NECTIN3: variants seen among roughly 807,000 people sequenced by gnomAD.
NECTIN3 encodes the protein nectin cell adhesion molecule 3.
NECTIN3 carries 8 observed loss-of-function variants against 49.4 expected under a neutral mutation model. The observed-to-expected ratio is 0.16, with a 90% CI of 0.10 to 0.29. The LOEUF (loss-of-function observed/expected upper bound fraction) is 0.29. Ranked by LOEUF, NECTIN3 falls within the 10% of genes least tolerant of loss-of-function variation. The pLI is 1.00. For missense variants in NECTIN3, 581 were observed against 654.6 expected, an observed-to-expected ratio of 0.89 and a Z score of 1.23; for synonymous variants, 277 against 241.1, an observed-to-expected ratio of 1.15 and a Z score of -1.38.
chr3:111,081,587 CA>C (rs1219940523), intron 1 of NECTIN3, among the ~76,000 whole-genome samples: 1 of 152,016 alleles, frequency 6.6e-6, no homozygotes, highest in Non-Finnish European at 1.5e-5. Flanking sequence ...ATACAGTGAA[CA>C]AAAATGACTT....
intron 3 of NECTIN3, 67 bp downstream of exon 3, chr3:111,119,019 G>T: frequency 1.5e-6 from 2 of 1,319,508 alleles, no homozygotes; most frequent in Non-Finnish European, 1.0e-6. Context: ...TTTTTAGTTT[G>T]AATATTTAAT....
intron 5 of NECTIN3, among the ~76,000 whole-genome samples, chr3:111,129,149 C>T (rs369492421): frequency 4.6e-5 from 7 of 152,248 alleles, no homozygotes; most frequent in African/African-American, 1.7e-4. Flanking sequence ...ATGCTTTTAC[C>T]AGGTATCATC....
intron 3 of NECTIN3, among the ~76,000 whole-genome samples, chr3:111,119,702 T>C (rs1014699703): frequency 6.6e-6 from 1 of 152,216 alleles, no homozygotes; most frequent in Non-Finnish European, 1.5e-5. Context: ...ACATTCTTTG[T>C]GATTTGTATA....
intron 1 of NECTIN3, among the ~76,000 whole-genome samples, chr3:111,087,171 A>G (rs1244584256): frequency 1.3e-5 from 2 of 152,128 alleles, no homozygotes; most frequent in Admixed American, 6.5e-5. Flanking sequence ...CATGCCATCT[A>G]TGATGAAGGC....
downstream of NECTIN3, among the ~76,000 whole-genome samples, chr3:111,141,997 G>A (rs1411563004): frequency 6.6e-6 from 1 of 151,752 alleles, no homozygotes; most frequent in African/African-American, 2.4e-5. Context: ...GGGGGAAACA[G>A]TGTTGAGGCT....
At chr3:111,107,603 C>G (rs1326424657) in intron 1 of NECTIN3, among the ~76,000 whole-genome samples, 1 of 152,116 alleles carries the variant, frequency 6.6e-6, no homozygotes. Context: ...TGAACTTAAA[C>G]TTTAAATAAT....
At chr3:111,125,510 A>G (rs1009720748) in intron 4 of NECTIN3, among the ~76,000 whole-genome samples, 1 of 152,144 alleles carries the variant, frequency 6.6e-6, no homozygotes, top group Non-Finnish European at 1.5e-5. Context: ...TTAGAGTAAT[A>G]TGGATACTAG....
chr3:111,073,357 G>C (rs1210063721), intron 1 of NECTIN3: 4 of 152,272 alleles, frequency 2.6e-5, no homozygotes, highest in African/African-American at 4.8e-5. Flanking sequence ...GGTGAGTCAG[G>C]GTAGTTGGTT....
chr3:111,087,842 C>T (rs973292419), intron 1 of NECTIN3, among the ~76,000 whole-genome samples: 18 of 151,912 alleles, frequency 1.2e-4, no homozygotes, highest in South Asian at 2.1e-4. Context: ...GGATTACAGG[C>T]GCCCGCTACC....
At chr3:111,132,179 T>C (rs1348485351) in intron 5 of NECTIN3, among the ~76,000 whole-genome samples, 4 of 151,922 alleles carry the variant, frequency 2.6e-5, no homozygotes, top group African/African-American at 9.7e-5. Flanking sequence ...TTTCATAAAT[T>C]AAAACTTCTT....
chr3:111,127,660 G>T (rs2034220522), intron 5 of NECTIN3, among the ~76,000 whole-genome samples: 1 of 151,712 alleles, frequency 6.6e-6, no homozygotes, highest in South Asian at 2.1e-4. Context: ...CTGCCTCCCG[G>T]GCTCAAGCAA....
At chr3:111,102,812 G>A (rs911643329) in intron 1 of NECTIN3, among the ~76,000 whole-genome samples, 7 of 152,094 alleles carry the variant, frequency 4.6e-5, no homozygotes, top group African/African-American at 1.7e-4. Context: ...TCTATTTCAA[G>A]TTAATTTTTG....
Position 111,112,052 on chromosome 3 carries a change from T to C in NECTIN3, c.183T>C (p.Ile61=). ...TAGGTGCCTTAGCTGGACCAATTAT[T>C]GTGGAGCCACATGTCACAGCAGTAT... ...RLCGALAGPI[I]VEPHVTAVWG... is the part of the protein sequence containing the mutation. The change falls in exon 2 of 6, where the codon ATT becomes ATC. Residue 61 remains isoleucine, a synonymous_variant. Coordinates refer to ENST00000485303, the MANE Select transcript of NECTIN3 (RefSeq NM_015480.3). The C allele has an allele frequency of 1.2e-6, 2 of 1,610,350 alleles. No individual in the cohort carries two copies. The highest frequency in any genetic ancestry group is 1.1e-5 in the South Asian group (1 of 90,624).
downstream of NECTIN3, among the ~76,000 whole-genome samples, chr3:111,142,508 G>A (rs747473142): frequency 3.3e-5 from 5 of 151,734 alleles, no homozygotes; most frequent in African/African-American, 4.8e-5. Context: ...TAAGACTAGT[G>A]TGACAAAATT....
Position 111,072,291 on chromosome 3 carries a change from G to A in NECTIN3, c.160+114G>A, listed in dbSNP as rs959750529. On this transcript the variant is annotated intron_variant, in intron 1 of 5. Transcript: ENST00000485303. ...AGCAGCGAGGCGGTTGGTTGTGCGA[G>A]CGAGTGCCGAGGACTTTGGCTGGAA... The A allele has an allele frequency of 8.3e-6, 12 of 1,451,146 alleles. No individual in the cohort carries two copies. The African/African-American group carries it at 1.6e-4, about 19-fold the overall frequency. 89.9% of individuals were successfully genotyped at this position (1,451,146 alleles called of 1,614,324 possible).
intron 1 of NECTIN3, among the ~76,000 whole-genome samples, chr3:111,076,975 C>CA (rs200742608): frequency 0.032 from 2,086 of 65,716 alleles, 21 homozygotes; most frequent in African/African-American, 0.062. Context: ...GACTCCGTCT[C>CA]AAAAAAAAAA....
intron 7 of NECTIN3, among the ~76,000 whole-genome samples, chr3:111,154,238 A>G (rs548359873): frequency 6.6e-6 from 1 of 152,236 alleles, no homozygotes; most frequent in East Asian, 1.9e-4. Flanking sequence ...GTATTAGTTT[A>G]CATATTCTCA....
rs934874171 is a variant in NECTIN3 at position 111,135,100 on chromosome 3, A to C, written c.*885A>C. On this transcript the variant is annotated 3_prime_UTR_variant, in exon 6 of 6. Coordinates refer to ENST00000485303, the MANE Select transcript of NECTIN3 (RefSeq NM_015480.3). ...CAGAGAGAGCATTTCGGAATACTGAAGTACTAGTTTTAGAAATGAGACTTT... is the reference window on the plus strand; with the variant it reads ...CAGAGAGAGCATTTCGGAATACTGACGTACTAGTTTTAGAAATGAGACTTT... 1.0e-6 allele frequency: 1 copy of C among 978,712 alleles called. No individual in the cohort carries two copies. Among genetic ancestry groups the C allele is most frequent in the Non-Finnish European group, 1.2e-6 (1 of 824,052 alleles). The allele number at this position is 978,712 out of a possible 1,614,324, so 60.6% of individuals were successfully genotyped here.
chr3:111,137,264 A>AT lies in NECTIN3; in HGVS notation c.*3054dup. On this transcript the variant is annotated 3_prime_UTR_variant, in exon 6 of 6. Coordinates refer to ENST00000485303, the MANE Select transcript of NECTIN3 (RefSeq NM_015480.3). ...AAGGAATAAATGGTACCCATTTTGA[A>AT]TTTTTAATTCTAATAGGAGAGTAGA... 1.1e-6 allele frequency: 1 copy of AT among 950,100 alleles called. No individual in the cohort carries two copies. Among genetic ancestry groups the AT allele is most frequent in the Non-Finnish European group, 1.3e-6 (1 of 798,044 alleles). The allele number at this position is 950,100 out of a possible 1,614,324, so 58.9% of individuals were successfully genotyped here.
Sources: gnomAD v4.1 joint callset for allele counts (sites outside exome capture counted in the v4.1 genomes callset) on GRCh38, gnomAD v4.1.1 for gene constraint, MANE v1.5 for transcripts, NCBI Gene and HGNC (gene_info 2026-07-23, HGNC 2026-07-21) for gene names.